The following GALNT11 variants were observed in gnomAD, a reference collection of about 807,000 sequenced individuals.
The protein encoded by GALNT11 is UDP-GalNAc:polypeptide N-acetylgalactosaminyltransferase 11.
A neutral mutation model predicts 72.7 loss-of-function variants in GALNT11; 47 were observed. The observed-to-expected ratio is 0.65, with a 90% confidence interval of 0.51 to 0.82. GALNT11 has a LOEUF of 0.82. Ranked by LOEUF, GALNT11 falls within the 40% of genes least tolerant of loss-of-function variation. The probability of loss-of-function intolerance (pLI) is 0.00; values close to 1 mark genes in which losing one functional copy is unlikely to be tolerated. For synonymous variants in GALNT11, 270 were observed against 286.6 expected, an observed-to-expected ratio of 0.94 and a Z score of 0.58; for missense variants, 677 against 778.4, an observed-to-expected ratio of 0.87 and a Z score of 1.55.
intron 1 of GALNT11, among the ~76,000 whole-genome samples, chr7:152,055,045 G>C (rs1420801289): frequency 4.6e-5 from 7 of 152,184 alleles, no homozygotes; most frequent in Non-Finnish European, 8.8e-5. Flanking sequence ...AGGAGTTGCT[G>C]TTGCAATTTG....
chr7:152,051,205 T>C, intron 1 of GALNT11, among the ~76,000 whole-genome samples: 1 of 146,690 alleles, frequency 6.8e-6, no homozygotes, highest in East Asian at 2.0e-4. Flanking sequence ...GGTTGTTTTT[T>C]TTTTTTTTTT....
intron 1 of GALNT11, among the ~76,000 whole-genome samples, chr7:152,044,554 T>TTG (rs1285940721): frequency 6.6e-6 from 1 of 152,218 alleles, no homozygotes; most frequent in Non-Finnish European, 1.5e-5. Flanking sequence ...TTTGTGGCTA[T>TTG]TGTAAATGGG....
intron 1 of GALNT11, among the ~76,000 whole-genome samples, chr7:152,086,404 T>G (rs1220075002): frequency 2.0e-5 from 3 of 152,210 alleles, no homozygotes; most frequent in African/African-American, 7.2e-5. Flanking sequence ...ATAAAAGAAA[T>G]GATGGGATTT....
chr7:152,065,485 A>G (rs1035652899), intron 1 of GALNT11, among the ~76,000 whole-genome samples: 1 of 152,196 alleles, frequency 6.6e-6, no homozygotes. Flanking sequence ...ATTGCTGGTG[A>G]GGAACTGCAT....
chr7:152,069,994 T>TTTC (rs1283747551), intron 1 of GALNT11, among the ~76,000 whole-genome samples: 1 of 143,010 alleles, frequency 7.0e-6, no homozygotes, highest in East Asian at 2.1e-4. Context: ...CTTTTTTCTT[T>TTTC]TTCTTTTTCT....
At position 152,094,523 on chromosome 7, in the gene GALNT11, G is replaced by T. The variant is rs764784064; in HGVS notation, c.295+1G>T. 1.9e-6 allele frequency: 3 copies of T among 1,604,908 alleles called. No individual in the cohort carries two copies. The highest frequency in any genetic ancestry group is 1.3e-5 in the African/African-American group (1 of 74,646). ...CACTTGAAATTCTCTTCTGAATTAG[G>T]TAAGTATATGATGTTTACCAGCATC... On this transcript the variant is annotated splice_donor_variant, in intron 2 of 11. Transcript: ENST00000430044. LOFTEE classifies it high-confidence loss of function. The surrounding 1 kb of genome is among the most constrained non-coding windows in gnomAD (Gnocchi z 4.3).
chr7:152,040,878 C>G (rs1384791357), intron 1 of GALNT11, among the ~76,000 whole-genome samples: 2 of 152,212 alleles, frequency 1.3e-5, no homozygotes, highest in Non-Finnish European at 2.9e-5. Flanking sequence ...TAAAAACATT[C>G]TCAGCACCTT....
At chr7:152,099,093 C>T (rs890734486) in intron 2 of GALNT11, among the ~76,000 whole-genome samples, 5 of 152,224 alleles carry the variant, frequency 3.3e-5, no homozygotes, top group Admixed American at 1.3e-4. Flanking sequence ...AGGCGTGTGC[C>T]ACCATGCCTG....
chr7:152,038,984 C>T (rs1270461968), intron 1 of GALNT11, among the ~76,000 whole-genome samples: 1 of 151,948 alleles, frequency 6.6e-6, no homozygotes, highest in Non-Finnish European at 1.5e-5. Context: ...TAATAATTTC[C>T]ACAAATCCTT....
intron 1 of GALNT11, among the ~76,000 whole-genome samples, chr7:152,091,222 A>G (rs2086011178): frequency 6.7e-6 from 1 of 149,104 alleles, no homozygotes; most frequent in Admixed American, 6.7e-5. Flanking sequence ...TAATTTATAT[A>G]TATATTTATT....
chr7:152,085,420 T>A (rs1287698305), intron 1 of GALNT11, among the ~76,000 whole-genome samples: 1 of 152,206 alleles, frequency 6.6e-6, no homozygotes, highest in Non-Finnish European at 1.5e-5. Context: ...TTGAAAGAAT[T>A]TGTCACTAGT....
At chr7:152,075,987 G>A (rs2084941444) in intron 1 of GALNT11, among the ~76,000 whole-genome samples, 2 of 147,032 alleles carry the variant, frequency 1.4e-5, no homozygotes, top group Admixed American at 6.9e-5. Context: ...GCGTGAAGCC[G>A]GGAGGTGGAG....
intron 1 of GALNT11, among the ~76,000 whole-genome samples, chr7:152,049,386 A>C (rs770975233): frequency 5.9e-5 from 9 of 152,220 alleles, no homozygotes; most frequent in Non-Finnish European, 1.2e-4. Flanking sequence ...TTTTAGACTT[A>C]TAGAGGCACT....
intron 1 of GALNT11, among the ~76,000 whole-genome samples, chr7:152,055,043 C>G (rs553316397): frequency 6.6e-6 from 1 of 152,288 alleles, no homozygotes; most frequent in South Asian, 2.1e-4. Flanking sequence ...GGAGGAGTTG[C>G]TGTTGCAATT....
intron 11 of GALNT11, among the ~76,000 whole-genome samples, chr7:152,121,317 T>C (rs2089415756): frequency 6.6e-6 from 1 of 152,232 alleles, no homozygotes; most frequent in Non-Finnish European, 1.5e-5. Context: ...ACAGCCTGTT[T>C]GTTTTCTCTA....
intron 1 of GALNT11, among the ~76,000 whole-genome samples, chr7:152,060,542 T>C (rs956717447): frequency 6.6e-6 from 1 of 152,076 alleles, no homozygotes; most frequent in Non-Finnish European, 1.5e-5. Flanking sequence ...TTGTTACATA[T>C]GTATACATGG....
At chr7:152,100,750 A>G (rs755245810) in intron 2 of GALNT11, 48 bp from the exon 3 acceptor site, 8 of 1,602,104 alleles carry the variant, frequency 5.0e-6, no homozygotes, top group Admixed American at 1.7e-5. Flanking sequence ...TAACAGTAAC[A>G]TGATACTTTC....
chr7:152,040,012 G>T (rs529195776), intron 1 of GALNT11, among the ~76,000 whole-genome samples: 1 of 151,936 alleles, frequency 6.6e-6, no homozygotes, highest in Non-Finnish European at 1.5e-5. Context: ...TGCAACTGCC[G>T]TTTCAGGGAG....
At chr7:152,111,644 A>G (rs35484534) in intron 7 of GALNT11, among the ~76,000 whole-genome samples, 1 of 139,210 alleles carries the variant, frequency 7.2e-6, no homozygotes, top group Admixed American at 7.4e-5. Context: ...ATATATATAT[A>G]TTTTTTTAAA....
Sources: allele counts gnomAD v4.1 joint callset (sites outside exome capture counted in the v4.1 genomes callset), GRCh38; gene constraint gnomAD v4.1.1; non-coding constraint Gnocchi (gnomAD v3.1); transcripts MANE v1.5; gene names NCBI Gene and HGNC (gene_info 2026-07-23, HGNC 2026-07-21).